The following GRID1 variants were observed in gnomAD, a reference collection of about 807,000 sequenced individuals.
The protein encoded by GRID1 is glutamate ionotropic receptor delta type subunit 1.
In GRID1, 28 loss-of-function variants were observed where a neutral mutation model predicts 98.0. The ratio of observed to expected loss-of-function variants is 0.29; its 90% CI spans 0.21 to 0.39. GRID1 has a LOEUF of 0.39. Ranked by LOEUF, GRID1 falls within the 10% of genes least tolerant of loss-of-function variation. GRID1 has a pLI of 1.00. For missense variants in GRID1, 1,111 were observed against 1,340.5 expected (o/e 0.83, Z 2.67); for synonymous variants, 553 against 538.5 (o/e 1.03, Z -0.37).
chr10:86,015,548 C>A (rs1438689839), intron 4 of GRID1, among the ~76,000 whole-genome samples: 4 of 152,222 alleles, frequency 2.6e-5, no homozygotes, highest in South Asian at 4.1e-4. Context: ...CATGCTAGTG[C>A]AAGCCAATGT....
At chr10:85,731,016 G>A (rs1841815829) in intron 8 of GRID1, among the ~76,000 whole-genome samples, 1 of 152,110 alleles carries the variant, frequency 6.6e-6, no homozygotes, top group South Asian at 2.1e-4. Flanking sequence ...GTGCTACTGG[G>A]GGCCCTAAAG....
chr10:85,919,527 C>T (rs545770322), intron 4 of GRID1, among the ~76,000 whole-genome samples: 1 of 152,280 alleles, frequency 6.6e-6, no homozygotes, highest in South Asian at 2.1e-4. Context: ...TCAACCCGCG[C>T]CACTCCAGCA....
At chr10:86,164,471 T>C (rs1845369047) in intron 3 of GRID1, among the ~76,000 whole-genome samples, 1 of 152,206 alleles carries the variant, frequency 6.6e-6, no homozygotes, top group South Asian at 2.1e-4. Flanking sequence ...TAAGTGACAC[T>C]GTGTTCCAGG....
intron 3 of GRID1, among the ~76,000 whole-genome samples, chr10:86,141,582 G>A (rs1227679210): frequency 6.6e-6 from 1 of 152,232 alleles, no homozygotes; most frequent in Admixed American, 6.5e-5. Flanking sequence ...TTCCACGGGT[G>A]CCAATGAGGG....
intron 12 of GRID1, among the ~76,000 whole-genome samples, chr10:85,680,425 ACT>A (rs1325357646): frequency 6.6e-6 from 1 of 152,070 alleles, no homozygotes; most frequent in Non-Finnish European, 1.5e-5. Context: ...CCTGATGGAA[ACT>A]CTCATCCATC....
At chr10:85,901,218 T>A (rs1450721820) in intron 5 of GRID1, among the ~76,000 whole-genome samples, 2 of 148,072 alleles carry the variant, frequency 1.4e-5, no homozygotes, top group Non-Finnish European at 3.0e-5. Context: ...ATTCATTTAT[T>A]TTATTTTATT....
chr10:85,718,142 T>C (rs1049184543), intron 12 of GRID1, among the ~76,000 whole-genome samples: 15 of 152,210 alleles, frequency 9.9e-5, no homozygotes, highest in Non-Finnish European at 2.2e-4. Flanking sequence ...GTCAGGAGGA[T>C]GGTGGCCCTC....
chr10:85,665,268 G>A (rs763370692), intron 12 of GRID1, among the ~76,000 whole-genome samples: 1 of 152,090 alleles, frequency 6.6e-6, no homozygotes, highest in Non-Finnish European at 1.5e-5. Flanking sequence ...TTACAGCTGT[G>A]GGGTTCAGGA....
intron 4 of GRID1, among the ~76,000 whole-genome samples, chr10:86,067,065 T>G (rs1439155803): frequency 6.6e-6 from 1 of 152,212 alleles, no homozygotes; most frequent in African/African-American, 2.4e-5. Context: ...CCTCAAACCA[T>G]GCACACTTTG....
intron 7 of GRID1, among the ~76,000 whole-genome samples, chr10:85,855,207 A>G (rs1417916724): frequency 6.6e-6 from 1 of 152,230 alleles, no homozygotes; most frequent in Non-Finnish European, 1.5e-5. Flanking sequence ...AAAGGAGAAA[A>G]TATGTACAAA....
At chr10:85,919,514 C>G (rs1021382852) in intron 4 of GRID1, among the ~76,000 whole-genome samples, 1 of 152,178 alleles carries the variant, frequency 6.6e-6, no homozygotes, top group Non-Finnish European at 1.5e-5. Context: ...CCCCTGTCCC[C>G]CATCAACCCG....
At chr10:85,892,213 A>G (rs1332469332) in intron 5 of GRID1, among the ~76,000 whole-genome samples, 5 of 146,884 alleles carry the variant, frequency 3.4e-5, no homozygotes, top group Admixed American at 3.4e-4. Context: ...GATAAAAAAA[A>G]AACAAAAAAA....
intron 2 of GRID1, among the ~76,000 whole-genome samples, chr10:86,341,447 A>C (rs1848309306): frequency 6.6e-6 from 1 of 152,042 alleles, no homozygotes; most frequent in Admixed American, 6.6e-5. Flanking sequence ...CGCTTAGGGA[A>C]ATGCTTAACC....
chr10:85,875,845 A>T (rs71471182), intron 5 of GRID1, among the ~76,000 whole-genome samples: 8,408 of 152,212 alleles, frequency 0.055, 309 homozygotes, highest in Non-Finnish European at 0.079. Context: ...GCCAATATTT[A>T]TCTATGTAAC....
intron 8 of GRID1, among the ~76,000 whole-genome samples, chr10:85,772,011 G>T (rs1350824105): frequency 6.6e-6 from 1 of 152,146 alleles, no homozygotes; most frequent in African/African-American, 2.4e-5. Context: ...CAAATCAACA[G>T]AATATACATT....
intron 4 of GRID1, among the ~76,000 whole-genome samples, chr10:86,075,043 A>G (rs1175018506): frequency 2.0e-5 from 3 of 151,268 alleles, no homozygotes; most frequent in Non-Finnish European, 4.4e-5. Context: ...AGCAAGCTTC[A>G]CTAAGCATGA....
chr10:85,764,078 A>C (rs1484885154), intron 8 of GRID1, among the ~76,000 whole-genome samples: 3 of 152,164 alleles, frequency 2.0e-5, no homozygotes, highest in Non-Finnish European at 4.4e-5. Context: ...CTGCCTGTAA[A>C]ACTCCAGTTT....
At chr10:86,081,046 G>A (rs1162046482) in intron 4 of GRID1, among the ~76,000 whole-genome samples, 2 of 152,162 alleles carry the variant, frequency 1.3e-5, no homozygotes, top group African/African-American at 2.4e-5. Flanking sequence ...GATGGGCGGT[G>A]ATCACTGCCA....
intron 8 of GRID1, among the ~76,000 whole-genome samples, chr10:85,836,056 T>G (rs902126805): frequency 2.0e-5 from 3 of 152,098 alleles, no homozygotes; most frequent in African/African-American, 4.8e-5. Context: ...GGAAAATTTA[T>G]AGCACTAAAA....
Sources: allele counts gnomAD v4.1 joint callset (sites outside exome capture counted in the v4.1 genomes callset), GRCh38; gene constraint gnomAD v4.1.1; transcripts MANE v1.5; gene names NCBI Gene and HGNC (gene_info 2026-07-23, HGNC 2026-07-21).